The following AQP4 variants were observed in gnomAD, a reference collection of about 807,000 sequenced individuals.
AQP4 encodes aquaporin 4, also known as aquaporin-4.
In AQP4, 18 loss-of-function variants were observed where a neutral mutation model predicts 27.8. That is an observed-to-expected ratio of 0.65 (90% CI 0.45 to 0.96). The LOEUF is 0.96. Ranked by LOEUF, AQP4 falls within the 40% of genes least tolerant of loss-of-function variation. AQP4 has a pLI of 0.00. For missense variants in AQP4, 412 were observed against 408.2 expected, an observed-to-expected ratio of 1.01 and a Z score of -0.08; for synonymous variants, 141 against 142.9, an observed-to-expected ratio of 0.99 and a Z score of 0.10.
Position 26,860,835 on chromosome 18 carries a change from G to A in AQP4, c.630C>T (p.Ala210=), listed in dbSNP as rs772926564. Residue 210 remains alanine, a synonymous_variant, in exon 4 of 5, where the codon GCC becomes GCT. Transcript: ENST00000383168. ...GHLFAINYTG[A]SMNPARSFGP... ...CAAAGGATCGGGCGGGATTCATGCT[G>A]GCACCAGTATAATTGATCTATAGGA... The A allele has an allele frequency of 3.1e-6, 5 of 1,614,032 alleles. No homozygotes were observed. The highest frequency in any genetic ancestry group is 4.2e-6 in the Non-Finnish European group (5 of 1,179,924).
rs1055258144 is a variant in AQP4 at position 26,855,882 on chromosome 18, T to A, written c.*329A>T. On this transcript the variant is annotated 3_prime_UTR_variant, in exon 5 of 5. Coordinates refer to ENST00000383168, the MANE Select transcript of AQP4 (RefSeq NM_001650.7). ...TAGAGAAGGAATAAGCTGATAGACG[T>A]GTCTTTGAGTTCTGTCAGGCAAGAC... 1.4e-5 allele frequency: 5 copies of A among 344,884 alleles called. No individual in the cohort carries two copies. Among genetic ancestry groups the A allele is most frequent in the African/African-American group, 1.1e-4 (5 of 47,260 alleles). The allele number at this position is 344,884 out of a possible 1,614,324, so 21.4% of individuals were successfully genotyped here. A position where few individuals can be genotyped will look rare whatever the true frequency, so the allele number is the denominator to read the frequency against.
intron 4 of AQP4, among the ~76,000 whole-genome samples, chr18:26,859,607 G>T (rs1220692772): frequency 6.6e-6 from 1 of 152,200 alleles, no homozygotes; most frequent in Non-Finnish European, 1.5e-5. Flanking sequence ...ATAAATGGAG[G>T]TATCAGTGAC....
Position 26,862,279 on chromosome 18 carries a change from A to G in AQP4, c.350T>C (p.Phe117Ser), listed in dbSNP as rs779432395. The change falls in exon 2 of 5, where the codon TTC (phenylalanine) becomes TCC (serine). Residue 117 changes from phenylalanine (F) to serine (S), a missense_variant. By Grantham distance (155) the Phe-to-Ser change is radical (BLOSUM62 -2). Transcript: ENST00000383168. ...TRKISIAKSV[F>S]YIAAQCLGAI... ...CCCCAGGCACTGGGCTGCGATGTAG[A>G]AGACAGACTTGGCGATGCTGATCTT... 2 of 1,614,216 alleles carry G rather than the reference A, an allele frequency of 1.2e-6. No homozygotes were observed. Among genetic ancestry groups the G allele is most frequent in the East Asian group, 2.2e-5 (1 of 44,882 alleles).
intron 2 of AQP4, chr18:26,861,960 C>A: frequency 1.7e-6 from 1 of 603,758 alleles, no homozygotes; most frequent in Non-Finnish European, 2.9e-6. Flanking sequence ...TTCGGGCCAC[C>A]TAGATTTTGT....
chr18:26,860,910 T>C (rs1177999537), intron 3 of AQP4, 58 bp from the exon 4 acceptor site: 1 of 1,525,270 alleles, frequency 6.6e-7, no homozygotes, highest in African/African-American at 1.4e-5. Context: ...CTAGCAAGTA[T>C]CATTCATTGC....
rs531518598 is a variant in AQP4, at chr18:26,853,121, A to G, written c.*3090T>C. On this transcript the variant is annotated 3_prime_UTR_variant, in exon 5 of 5. Transcript: ENST00000383168. ...CTCAATTTCATCACATATGTTTTCC[A>G]AAGATTTCTAATCTCCTTGTAAAGT... The G allele has an allele frequency of 5.0e-5, 19 of 380,494 alleles. 1 individual carries two copies. The South Asian group carries it at 2.6e-3, about 52-fold the overall frequency. 23.6% of individuals were successfully genotyped at this position (380,494 alleles called of 1,614,324 possible).
At position 26,853,358 on chromosome 18, in the gene AQP4, A is replaced by G. The variant is rs2054784974; in HGVS notation, c.*2853T>C. ...CTTTGAAGAAAATGTTATCTTCAAC[A>G]ATGGAAACATACATTGAAATTCTGG... On this transcript the variant is annotated 3_prime_UTR_variant, in exon 5 of 5. Coordinates refer to ENST00000383168, the MANE Select transcript of AQP4 (RefSeq NM_001650.7). 1 of 152,990 alleles carries G rather than the reference A, an allele frequency of 6.5e-6. No individual in the cohort carries two copies. The highest frequency in any genetic ancestry group is 2.4e-5 in the African/African-American group (1 of 41,510). The allele number at this position is 152,990 out of a possible 1,614,324, so 9.5% of individuals were successfully genotyped here.
At chr18:26,858,254 C>G (rs1341611863) in intron 4 of AQP4, among the ~76,000 whole-genome samples, 2 of 151,988 alleles carry the variant, frequency 1.3e-5, no homozygotes, top group Non-Finnish European at 2.9e-5. Flanking sequence ...GCCTGGGCAA[C>G]AGAGTAAGAC....
chr18:26,861,426 T>G (rs761011827), intron 2 of AQP4, 131 bp from the exon 3 acceptor site: 32 of 867,622 alleles, frequency 3.7e-5, no homozygotes, highest in Middle Eastern at 6.4e-4. Context: ...CACCTTCAAC[T>G]GAGAATTTCC....
rs2054885699 is a variant in AQP4, at chr18:26,858,653, A to G, written c.693+2119T>C. Among the ~76,000 whole-genome samples, 3 of 152,218 alleles carry G rather than the reference A, an allele frequency of 2.0e-5. No homozygotes were observed. The South Asian group carries it at 6.2e-4, about 32-fold the overall frequency. ...TGCTCTTTGTTAGTAAGGTCTCATT[A>G]GACATGTACTATTCCACAGGCTACA... On this transcript the variant is annotated intron_variant, in intron 4 of 4. Coordinates refer to ENST00000383168, the MANE Select transcript of AQP4 (RefSeq NM_001650.7).
Position 26,862,835 on chromosome 18 carries a change from T to A in AQP4, c.33-239A>T, listed in dbSNP as rs2054979731. 5.1e-6 allele frequency: 3 copies of A among 594,046 alleles called. No individual in the cohort carries two copies. The African/African-American group carries it at 5.6e-5, about 11-fold the overall frequency. The allele number at this position is 594,046 out of a possible 1,614,324, so 36.8% of individuals were successfully genotyped here. ...CAGTTTCACGGAAAATTATCCAAACTGTCCCTAGAAAGGAAAAATGTCTAA... is the reference window on the plus strand; with the variant it reads ...CAGTTTCACGGAAAATTATCCAAACAGTCCCTAGAAAGGAAAAATGTCTAA... On this transcript the variant is annotated intron_variant, in intron 1 of 4. Coordinates refer to ENST00000383168, the MANE Select transcript of AQP4 (RefSeq NM_001650.7).
In AQP4 at chr18:26,862,439, T is replaced by G. The variant is rs367543329; in HGVS notation, c.190A>C (p.Lys64Gln). The G allele has an allele frequency of 6.2e-7, 1 of 1,614,072 alleles. No homozygotes were observed. Among genetic ancestry groups the G allele is most frequent in the Non-Finnish European group, 8.5e-7 (1 of 1,180,036 alleles). ...AGAACCATGTCGACCGGTAAAGGCT[T>G]TTCTGTTCCACCCCAGTTGATGGTG... is the stretch of plus-strand genomic sequence containing the variant. ...GSTINWGGTE[K>Q]PLPVDMVLIS... The change falls in exon 2 of 5, where the codon AAG (lysine) becomes CAG (glutamine). Residue 64 changes from lysine to glutamine, a missense_variant. Lys to Gln is a moderately conservative substitution (Grantham distance 53, BLOSUM62 1). Transcript: ENST00000383168.
At position 26,852,868 on chromosome 18, in the gene AQP4, A is replaced by T; in HGVS notation, c.*3343T>A. The T allele has an allele frequency of 5.0e-6, 2 of 398,562 alleles. No individual in the cohort carries two copies. Among genetic ancestry groups the T allele is most frequent in the Non-Finnish European group, 8.8e-6 (2 of 226,016 alleles). The allele number at this position is 398,562 out of a possible 1,614,324, so 24.7% of individuals were successfully genotyped here. On this transcript the variant is annotated 3_prime_UTR_variant, in exon 5 of 5. Transcript: ENST00000383168. The stretch of plus-strand genomic sequence containing the variant: ...CTGTGCCCCCCAGACTTCCATCTTC[A>T]GTTGCCACAAAGGCAAATTCTCTGT...
intron 1 of AQP4, 171 bp downstream of exon 1, chr18:26,865,487 C>A: frequency 1.2e-6 from 1 of 825,432 alleles, no homozygotes; most frequent in African/African-American, 1.7e-5. Flanking sequence ...CTTCTACCTT[C>A]TCTATGCCTC....
chr18:26,855,043 A>G lies in AQP4; in HGVS notation c.*1168T>C, dbSNP rs561473915. ...GATGTCCTCACCCTTTTATTCTGCAACCATGTTGTACCTTGTCTGTCATGC... is the reference window on the plus strand; with the variant it reads ...GATGTCCTCACCCTTTTATTCTGCAGCCATGTTGTACCTTGTCTGTCATGC... On this transcript the variant is annotated 3_prime_UTR_variant, in exon 5 of 5. Coordinates refer to ENST00000383168, the MANE Select transcript of AQP4 (RefSeq NM_001650.7). 19 of 152,344 alleles carry G rather than the reference A, an allele frequency of 1.2e-4. No homozygotes were observed. The highest frequency in any genetic ancestry group is 1.0e-3 in the Admixed American group (16 of 15,306). The allele number at this position is 152,344 out of a possible 1,614,324, so 9.4% of individuals were successfully genotyped here.
At position 26,853,829 on chromosome 18, in the gene AQP4, G is replaced by T. The variant is rs1431521708; in HGVS notation, c.*2382C>A. On this transcript the variant is annotated 3_prime_UTR_variant, in exon 5 of 5. Transcript: ENST00000383168. Reference sequence around the variant, plus strand: ...TTGTCTCATATGTAGGGGCAAAAAAGTGCTAAAGCTTTCATTCATTTCATG... The same window carrying T: ...TTGTCTCATATGTAGGGGCAAAAAATTGCTAAAGCTTTCATTCATTTCATG... 6.6e-6 allele frequency: 1 copy of T among 152,526 alleles called. No homozygotes were observed. Among genetic ancestry groups the T allele is most frequent in the Non-Finnish European group, 1.5e-5 (1 of 68,012 alleles). 9.4% of individuals were successfully genotyped at this position (152,526 alleles called of 1,614,324 possible).
At position 26,861,418 on chromosome 18, in the gene AQP4, C is replaced by G. The variant is rs898583369; in HGVS notation, c.448-123G>C. On this transcript the variant is annotated intron_variant, in intron 2 of 4. Transcript: ENST00000383168. ...AAGTAAAGGTAAGTCTTCTACCCCACCTTCAACTGAGAATTTCCTTCTCTC... is the reference window on the plus strand; with the variant it reads ...AAGTAAAGGTAAGTCTTCTACCCCAGCTTCAACTGAGAATTTCCTTCTCTC... 9 of 912,050 alleles carry G rather than the reference C, an allele frequency of 9.9e-6. No individual in the cohort carries two copies. The African/African-American group carries it at 1.0e-4, about 10-fold the overall frequency. The allele number at this position is 912,050 out of a possible 1,614,324, so 56.5% of individuals were successfully genotyped here. A position where few individuals can be genotyped will look rare whatever the true frequency, so the allele number is the denominator to read the frequency against.
intron 4 of AQP4, among the ~76,000 whole-genome samples, chr18:26,858,113 CA>C (rs941757616): frequency 2.7e-5 from 4 of 150,480 alleles, no homozygotes; most frequent in Non-Finnish European, 4.4e-5. Context: ...CTACAAAATA[CA>C]AAAAAAAATT....
At chr18:26,861,097 G>A (rs768646280) in intron 3 of AQP4, 34 bp downstream of exon 3, 2 of 1,610,514 alleles carry the variant, frequency 1.2e-6, no homozygotes, top group Admixed American at 1.7e-5. Context: ...TAAATGAGGT[G>A]GGATTGATTA....
Sources: allele counts gnomAD v4.1 joint callset (sites outside exome capture counted in the v4.1 genomes callset), GRCh38; gene constraint gnomAD v4.1.1; transcripts MANE v1.5; gene names NCBI Gene and HGNC (gene_info 2026-07-23, HGNC 2026-07-21).